The following FANCD2 variants were observed in gnomAD, a reference collection of about 807,000 sequenced individuals.
FANCD2 encodes the protein FA complementation group D2.
Under a neutral mutation model 192.3 loss-of-function variants are expected in FANCD2, and 131 were observed. That is an observed-to-expected ratio of 0.68 (90% CI 0.59 to 0.79). FANCD2 has a LOEUF of 0.79. Ranked by LOEUF, FANCD2 falls within the 30% of genes least tolerant of loss-of-function variation. The probability of loss-of-function intolerance (pLI) is 0.00; values close to 1 mark genes in which losing one functional copy is unlikely to be tolerated. For synonymous variants in FANCD2, 524 were observed against 612.5 expected (o/e 0.86, Z 2.13); for missense variants, 1,508 against 1,701.6 (o/e 0.89, Z 2.00).
chr3:10,069,309 G>A (rs1066724), intron 26 of FANCD2, among the ~76,000 whole-genome samples: 38 of 151,416 alleles, frequency 2.5e-4, no homozygotes, highest in Non-Finnish European at 4.7e-4. Flanking sequence ...AAAATTATTC[G>A]GATTGAAAAA....
chr3:10,042,267 A>G (rs2086885038), intron 10 of FANCD2, among the ~76,000 whole-genome samples: 1 of 152,182 alleles, frequency 6.6e-6, no homozygotes, highest in Non-Finnish European at 1.5e-5. Context: ...CCTGCTTCCC[A>G]TAGGAATAAT....
chr3:10,098,753 A>G lies in FANCD2; in HGVS notation c.4219A>G (p.Ser1407Gly). The G allele has an allele frequency of 6.2e-7, 1 of 1,614,164 alleles. No individual in the cohort carries two copies. The highest frequency in any genetic ancestry group is 1.1e-5 in the South Asian group (1 of 91,088). ...EEIKSQNSQE[S>G]TADESEDDMS... ...GATTAAGTCCCAAAATTCCCAGGAG[A>G]GCACAGCAGATGAGAGTGAGGATGA... is the stretch of plus-strand genomic sequence containing the variant. The change falls in exon 43 of 44, where the codon AGC becomes GGC. Residue 1407 changes from serine (S) to glycine (G), a missense_variant. Transcript: ENST00000675286.
At chr3:10,038,350 C>T (rs2086781983) in intron 7 of FANCD2, among the ~76,000 whole-genome samples, 1 of 152,034 alleles carries the variant, frequency 6.6e-6, no homozygotes, top group African/African-American at 2.4e-5. Context: ...GCTTTACATC[C>T]TGGCTAGTCT....
At chr3:10,052,313 G>A (rs1394227849) in intron 17 of FANCD2, 74 bp from the exon 18 acceptor site, 1 of 963,440 alleles carries the variant, frequency 1.0e-6, no homozygotes, top group Non-Finnish European at 1.7e-6. Flanking sequence ...TCTTTTACAG[G>A]GATTTTAATT....
At chr3:10,034,110 T>A in intron 3 of FANCD2, among the ~76,000 whole-genome samples, 1 of 148,890 alleles carries the variant, frequency 6.7e-6, no homozygotes, top group Non-Finnish European at 1.5e-5. Context: ...GATCACGAGG[T>A]CAGGAAATCG....
At chr3:10,064,047 G>C in intron 21 of FANCD2, 136 bp downstream of exon 21, 1 of 1,220,234 alleles carries the variant, frequency 8.2e-7, no homozygotes, top group South Asian at 1.4e-5. Context: ...AGGCTTTTCT[G>C]CCCTACCCTG....
intron 2 of FANCD2, among the ~76,000 whole-genome samples, chr3:10,031,404 A>T (rs1286176859): frequency 2.0e-5 from 3 of 151,438 alleles, no homozygotes; most frequent in African/African-American, 7.3e-5. Context: ...TGGGAGGCTG[A>T]GGCAGGAGAA....
chr3:10,062,562 G>A (rs780963118), intron 20 of FANCD2, among the ~76,000 whole-genome samples: 2 of 151,880 alleles, frequency 1.3e-5, no homozygotes, highest in Non-Finnish European at 2.9e-5. Flanking sequence ...AATGTGATTG[G>A]ATATGTTTAT....
chr3:10,047,838 A>G, intron 15 of FANCD2, 79 bp from the exon 16 acceptor site: 4 of 1,580,250 alleles, frequency 2.5e-6, no homozygotes, highest in African/African-American at 1.3e-5. Flanking sequence ...CTGACATTCC[A>G]AAAGGATAAG....
chr3:10,034,259 A>G (rs1254917872), intron 3 of FANCD2, among the ~76,000 whole-genome samples: 3 of 147,252 alleles, frequency 2.0e-5, no homozygotes, highest in African/African-American at 5.2e-5. Context: ...CAGGAGGCGG[A>G]AGTTCCTGTG....
chr3:10,074,617 A>C lies in FANCD2; in HGVS notation c.2803A>C (p.Ile935Leu), dbSNP rs61751578. 2.3e-4 allele frequency: 379 copies of C among 1,613,650 alleles called. No homozygotes were observed. The highest frequency in any genetic ancestry group is 3.0e-4 in the Non-Finnish European group (356 of 1,179,750). ...AGAGCTGGACATTGAGGTCTTCTCT[A>C]TTCTACATTGTGGACTTGTGACGAA... ...FRELDIEVFS[I>L]LHCGLVTKFI... Residue 935 changes from isoleucine (I) to leucine (L), a missense_variant, in exon 29 of 44, where the codon ATT (isoleucine) becomes CTT (leucine). Physicochemically the swap from Ile to Leu is conservative, Grantham distance 5. Around this residue, in one of 5 missense-constraint regions of FANCD2, gnomAD observed 796 missense variants for 879.4 expected, o/e 0.91. Transcript: ENST00000675286.
rs748421381 is a variant in FANCD2 at position 10,098,892 on chromosome 3, C to T, written c.4281+77C>T. 1.9e-6 allele frequency: 3 copies of T among 1,614,214 alleles called. No homozygotes were observed. The highest frequency in any genetic ancestry group is 4.5e-5 in the East Asian group (2 of 44,890). ...ATTGTTCTAAGTTGGTGGAGCAGAA[C>T]TTTGCCTACTTATGTTTATTGTCAA... On this transcript the variant is annotated intron_variant, in intron 43 of 43. Coordinates refer to ENST00000675286, the MANE Select transcript of FANCD2 (RefSeq NM_001018115.3).
At chr3:10,074,460 A>G in intron 28 of FANCD2, 70 bp from the exon 29 acceptor site, 2 of 1,382,550 alleles carry the variant, frequency 1.4e-6, no homozygotes, top group Non-Finnish European at 2.0e-6. Context: ...TTGTACTTTG[A>G]AGTTTTTATT....
rs547880758 is a variant in FANCD2 at position 10,054,366 on chromosome 3, T to C, written c.1656+1869T>C. 9.1e-4 allele frequency among the ~76,000 whole-genome samples: 100 copies of C among 109,714 alleles called. 1 individual carries two copies. The South Asian group carries it at 0.019, about 21-fold the overall frequency. 72.0% of individuals were successfully genotyped at this position (109,714 alleles called of 152,430 possible). A position where few individuals can be genotyped will look rare whatever the true frequency, so the allele number is the denominator to read the frequency against. ...ATATATATATACGTATATATATATA[T>C]ACGTGTATATACATATATATATGTA... On this transcript the variant is annotated intron_variant, in intron 18 of 43. Coordinates refer to ENST00000675286, the MANE Select transcript of FANCD2 (RefSeq NM_001018115.3).
Position 10,033,989 on chromosome 3 carries a change from G to A in FANCD2, c.206-480G>A, listed in dbSNP as rs376148489. On this transcript the variant is annotated intron_variant, in intron 3 of 43. Transcript: ENST00000675286. ...TGGGATTACAGGCATGAGCCACCGC[G>A]CCCAGCCAAAGCTAAGTCTTTTATG... Among the ~76,000 whole-genome samples, 35 of 148,674 alleles carry A rather than the reference G, an allele frequency of 2.4e-4. 1 individual carries two copies. The highest frequency in any genetic ancestry group is 1.9e-3 in the East Asian group (9 of 4,676).
intron 29 of FANCD2, among the ~76,000 whole-genome samples, chr3:10,077,795 C>A (rs1693615767): frequency 6.6e-6 from 1 of 151,778 alleles, no homozygotes; most frequent in South Asian, 2.1e-4. Flanking sequence ...ATTGGGAGGC[C>A]AAGGCAGAAG....
At chr3:10,081,057 C>A (rs762928348) in intron 30 of FANCD2, 43 bp from the exon 31 acceptor site, 26 of 1,612,830 alleles carry the variant, frequency 1.6e-5, no homozygotes, top group Non-Finnish European at 1.9e-5. Flanking sequence ...TTCTGAGACG[C>A]TATCCAGCAG....
At chr3:10,037,483 C>G (rs1044512781) in intron 7 of FANCD2, 2 of 152,122 alleles carry the variant, frequency 1.3e-5, no homozygotes, top group Non-Finnish European at 2.9e-5. Context: ...ACCCTTTAAT[C>G]CTAATGTCAT....
At position 10,098,766 on chromosome 3, in the gene FANCD2, A is replaced by G; in HGVS notation, c.4232A>G (p.Glu1411Gly). ...AATTCCCAGGAGAGCACAGCAGATG[A>G]GAGTGAGGATGACATGTCATCCCAG... ...SQNSQESTAD[E>G]SEDDMSSQAS... The change falls in exon 43 of 44, where the codon GAG becomes GGG. Residue 1411 changes from glutamate to glycine, a missense_variant. Coordinates refer to ENST00000675286, the MANE Select transcript of FANCD2 (RefSeq NM_001018115.3). The G allele has an allele frequency of 6.2e-7, 1 of 1,614,084 alleles. No homozygotes were observed. Among genetic ancestry groups the G allele is most frequent in the Non-Finnish European group, 8.5e-7 (1 of 1,180,022 alleles).
Sources: allele counts gnomAD v4.1 joint callset (sites outside exome capture counted in the v4.1 genomes callset), GRCh38; gene constraint gnomAD v4.1.1; regional missense constraint gnomAD v4.1.1; transcripts MANE v1.5; gene names NCBI Gene and HGNC (gene_info 2026-07-23, HGNC 2026-07-21).